LRRC4C: variants seen among roughly 807,000 people sequenced by gnomAD.
LRRC4C encodes leucine rich repeat containing 4C.
LRRC4C carries 5 observed loss-of-function variants against 33.6 expected under a neutral mutation model. The observed-to-expected ratio is 0.15, with a 90% CI of 0.08 to 0.31. The LOEUF is 0.31. Ranked by LOEUF, LRRC4C falls within the 10% of genes least tolerant of loss-of-function variation. LRRC4C has a pLI of 1.00. For synonymous variants in LRRC4C, 329 were observed against 302.0 expected (o/e 1.09, Z -0.93); for missense variants, 560 against 796.7 (o/e 0.70, Z 3.58).
chr11:41,070,203 C>T (rs1938572774), intron 1 of LRRC4C, among the ~76,000 whole-genome samples: 2 of 152,126 alleles, frequency 1.3e-5, no homozygotes, highest in African/African-American at 4.8e-5. Flanking sequence ...GCTGAGAAAA[C>T]CGGCTAGCCA....
chr11:40,772,373 G>A (rs572735452), intron 2 of LRRC4C, among the ~76,000 whole-genome samples: 26 of 152,260 alleles, frequency 1.7e-4, no homozygotes, highest in South Asian at 6.2e-4. Context: ...CCAACACATG[G>A]TGAATACAAT....
chr11:40,643,674 C>T (rs1942260621), intron 3 of LRRC4C, among the ~76,000 whole-genome samples: 1 of 152,142 alleles, frequency 6.6e-6, no homozygotes, highest in Non-Finnish European at 1.5e-5. Flanking sequence ...GTAATAGTTA[C>T]AAGTCATTCC....
intron 1 of LRRC4C, among the ~76,000 whole-genome samples, chr11:41,450,807 G>T (rs1478682249): frequency 6.6e-6 from 1 of 152,042 alleles, no homozygotes. Context: ...TATTAGCACT[G>T]ATATATGCAA....
At chr11:40,141,992 G>A (rs11603060) in intron 5 of LRRC4C, among the ~76,000 whole-genome samples, 2 of 151,916 alleles carry the variant, frequency 1.3e-5, no homozygotes, top group Non-Finnish European at 2.9e-5. Flanking sequence ...TTAAATAAAT[G>A]GATAACTCAG....
chr11:40,774,704 C>A (rs1949907249), intron 2 of LRRC4C, among the ~76,000 whole-genome samples: 1 of 151,944 alleles, frequency 6.6e-6, no homozygotes, highest in Non-Finnish European at 1.5e-5. Context: ...ATATACTCAA[C>A]TTTATATTGG....
chr11:41,067,506 G>T (rs979423787), intron 1 of LRRC4C, among the ~76,000 whole-genome samples: 1 of 152,032 alleles, frequency 6.6e-6, no homozygotes, highest in South Asian at 2.1e-4. Context: ...TAGACAGCTT[G>T]AGACCAATAA....
chr11:40,987,681 T>TATATATATATATATATATATATG (rs1565274752), intron 1 of LRRC4C, among the ~76,000 whole-genome samples: 1 of 74,676 alleles, frequency 1.3e-5, no homozygotes, highest in Non-Finnish European at 2.6e-5. Flanking sequence ...AAATGATATA[T>TATATATATATATATATATATATG]ATATATATAT....
At chr11:40,409,897 A>G (rs978639269) in intron 3 of LRRC4C, among the ~76,000 whole-genome samples, 1 of 152,110 alleles carries the variant, frequency 6.6e-6, no homozygotes, top group African/African-American at 2.4e-5. Flanking sequence ...TGCATACATT[A>G]GTTTGATTTA....
chr11:40,451,191 T>C (rs920808449), intron 3 of LRRC4C, among the ~76,000 whole-genome samples: 9 of 150,586 alleles, frequency 6.0e-5, no homozygotes, highest in Non-Finnish European at 1.3e-4. Context: ...AGTGGATAAG[T>C]AGACAGTGAA....
At chr11:40,152,174 G>A (rs1195669002) in intron 5 of LRRC4C, among the ~76,000 whole-genome samples, 2 of 152,156 alleles carry the variant, frequency 1.3e-5, no homozygotes, top group Non-Finnish European at 2.9e-5. Flanking sequence ...CTCTCCAAAC[G>A]CACACCCCCG....
chr11:40,372,599 C>G (rs1002001924), intron 3 of LRRC4C, among the ~76,000 whole-genome samples: 3 of 152,256 alleles, frequency 2.0e-5, no homozygotes, highest in Admixed American at 2.0e-4. Flanking sequence ...AGGGCAGAGG[C>G]ATATTTGGTG....
chr11:41,047,039 T>C (rs1223656619), intron 1 of LRRC4C, among the ~76,000 whole-genome samples: 1 of 152,154 alleles, frequency 6.6e-6, no homozygotes, highest in Non-Finnish European at 1.5e-5. Context: ...TTAACAATTG[T>C]TGTGCTTCAA....
At chr11:40,869,792 C>T (rs1422113754) in intron 2 of LRRC4C, among the ~76,000 whole-genome samples, 3 of 152,196 alleles carry the variant, frequency 2.0e-5, no homozygotes, top group Non-Finnish European at 2.9e-5. Context: ...TCAAACAGCA[C>T]ACTTGTCTTT....
chr11:41,102,143 A>T lies in LRRC4C; in HGVS notation c.-495-168420T>A, dbSNP rs551357559. 1.8e-4 allele frequency among the ~76,000 whole-genome samples: 27 copies of T among 151,872 alleles called. No individual in the cohort carries two copies. In the South Asian group the frequency reaches 5.6e-3, roughly 32 times the overall value. ...TACCCCTGAACCTAAAATAAAAGTT[A>T]AAAAAAAGTAATTTTAATATTACTC... On this transcript the variant is annotated intron_variant, in intron 1 of 6. Transcript: ENST00000528697.
chr11:40,138,594 C>T (rs1178932976), intron 6 of LRRC4C, among the ~76,000 whole-genome samples: 4 of 152,178 alleles, frequency 2.6e-5, no homozygotes, highest in Non-Finnish European at 4.4e-5. Flanking sequence ...TGTGGTGGGG[C>T]CTGAACTTGA....
chr11:41,154,030 C>T (rs1358464145), intron 1 of LRRC4C, among the ~76,000 whole-genome samples: 3 of 152,134 alleles, frequency 2.0e-5, no homozygotes, highest in Non-Finnish European at 2.9e-5. Context: ...AATATATTGT[C>T]ACCTAGAGCT....
intron 2 of LRRC4C, among the ~76,000 whole-genome samples, chr11:40,886,589 A>G (rs1417668733): frequency 6.6e-6 from 1 of 151,798 alleles, no homozygotes; most frequent in Non-Finnish European, 1.5e-5. Flanking sequence ...CAACTGATGA[A>G]TTTTAAAATG....
At chr11:40,852,634 C>T (rs1272272056) in intron 2 of LRRC4C, among the ~76,000 whole-genome samples, 1 of 151,866 alleles carries the variant, frequency 6.6e-6, no homozygotes, top group Non-Finnish European at 1.5e-5. Flanking sequence ...TAGGAGAATC[C>T]AATTTACTTA....
intron 1 of LRRC4C, among the ~76,000 whole-genome samples, chr11:41,336,584 C>T (rs984277638): frequency 6.6e-6 from 1 of 152,158 alleles, no homozygotes; most frequent in African/African-American, 2.4e-5. Flanking sequence ...GTCCTCTATC[C>T]ACTTTTCATT....
Sources: allele counts gnomAD v4.1 joint callset (sites outside exome capture counted in the v4.1 genomes callset), GRCh38; gene constraint gnomAD v4.1.1; transcripts MANE v1.5; gene names NCBI Gene and HGNC (gene_info 2026-07-23, HGNC 2026-07-21).